The following KIF1B variants were observed in gnomAD, a reference collection of about 807,000 sequenced individuals.
KIF1B encodes the protein kinesin family member 1B, also known as kinesin-like protein KIF1B.
KIF1B carries 76 observed loss-of-function variants against 241.9 expected under a neutral mutation model. The ratio of observed to expected loss-of-function variants is 0.31; its 90% CI spans 0.26 to 0.38. The LOEUF (loss-of-function observed/expected upper bound fraction) is 0.38, where lower values mean the gene tolerates loss of function less well. Among genes scored for constraint, KIF1B ranks in the 10% least tolerant of loss-of-function variants. The pLI is 1.00. For missense variants in KIF1B, 1,622 were observed against 2,271.4 expected, an observed-to-expected ratio of 0.71 and a Z score of 5.81; for synonymous variants, 750 against 796.7, an observed-to-expected ratio of 0.94 and a Z score of 0.99.
At chr1:10,356,586 C>T (rs1638256274) in intron 38 of KIF1B, among the ~76,000 whole-genome samples, 1 of 148,052 alleles carries the variant, frequency 6.8e-6, no homozygotes, top group East Asian at 2.0e-4. Context: ...AGTAGCTATA[C>T]CTGCAGATGC....
At chr1:10,361,424 C>T (rs1266320060) in intron 39 of KIF1B, among the ~76,000 whole-genome samples, 1 of 152,212 alleles carries the variant, frequency 6.6e-6, no homozygotes, top group Non-Finnish European at 1.5e-5. Context: ...CACTTACTTC[C>T]TCTATGTCCT....
chr1:10,322,772 G>A (rs1019293080), intron 24 of KIF1B, among the ~76,000 whole-genome samples: 3 of 152,076 alleles, frequency 2.0e-5, no homozygotes, highest in Non-Finnish European at 4.4e-5. Context: ...AATAAAGGCA[G>A]TAACTGTCTT....
In KIF1B at chr1:10,296,674, G is replaced by A. The variant is rs1283855085; in HGVS notation, c.1861+9G>A. ...TGTTCAGCTGCGCTCAGGTGAGACT[G>A]GGAGAGGTTTGCCATCTTCAGCAAT... On this transcript the variant is annotated intron_variant, in intron 20 of 48. Coordinates refer to ENST00000676179, the MANE Select transcript of KIF1B (RefSeq NM_001365951.3). 6 of 1,612,668 alleles carry A rather than the reference G, an allele frequency of 3.7e-6. No individual in the cohort carries two copies. The African/African-American group carries it at 8.0e-5, about 22-fold the overall frequency.
chr1:10,289,236 G>A (rs546312739), intron 15 of KIF1B, among the ~76,000 whole-genome samples: 1 of 152,000 alleles, frequency 6.6e-6, no homozygotes, highest in Non-Finnish European at 1.5e-5. Flanking sequence ...GCCTCACTCA[G>A]CCTTGATTCA....
chr1:10,377,586 C>T lies in KIF1B; in HGVS notation c.*999C>T, dbSNP rs1489448292. 2 of 217,836 alleles carry T rather than the reference C, an allele frequency of 9.2e-6. No homozygotes were observed. Among genetic ancestry groups the T allele is most frequent in the Non-Finnish European group, 1.8e-5 (2 of 108,468 alleles). 13.5% of individuals were successfully genotyped at this position (217,836 alleles called of 1,614,324 possible). A position where few individuals can be genotyped will look rare whatever the true frequency, so the allele number is the denominator to read the frequency against. Reference sequence around the variant, plus strand: ...TGCCATGTCATACACAAATGTTCCACAAGGCGGGAGTGTTTCACTTTCTGG... The same window carrying T: ...TGCCATGTCATACACAAATGTTCCATAAGGCGGGAGTGTTTCACTTTCTGG... On this transcript the variant is annotated 3_prime_UTR_variant, in exon 49 of 49. Transcript: ENST00000676179.
chr1:10,278,402 C>G (rs185953456), intron 13 of KIF1B, among the ~76,000 whole-genome samples: 1 of 152,226 alleles, frequency 6.6e-6, no homozygotes, highest in African/African-American at 2.4e-5. Context: ...TGTTAGAATT[C>G]TGTTTTAGAT....
Position 10,303,945 on chromosome 1 carries a change from C to T in KIF1B, c.2115+6699C>T. 2 of 1,614,192 alleles carry T rather than the reference C, an allele frequency of 1.2e-6. No individual in the cohort carries two copies. The highest frequency in any genetic ancestry group is 1.7e-6 in the Non-Finnish European group (2 of 1,180,048). The stretch of plus-strand genomic sequence containing the variant: ...CAGCTTTTAGACGTGGACGTCTGCG[C>T]TGGATGAGGCAAGAGCAAATTCGGT... On this transcript the variant is annotated intron_variant, in intron 22 of 48. Coordinates refer to ENST00000676179, the MANE Select transcript of KIF1B (RefSeq NM_001365951.3). The surrounding 1 kb of genome is among the most constrained non-coding windows in gnomAD (Gnocchi z 5.2).
chr1:10,334,424 A>G, intron 27 of KIF1B, 96 bp from the exon 28 acceptor site: 1 of 962,374 alleles, frequency 1.0e-6, no homozygotes, highest in Non-Finnish European at 1.7e-6. Flanking sequence ...GCCAGAAGTC[A>G]GCTCACAGTT....
chr1:10,236,333 T>C (rs1647052168), intron 2 of KIF1B, among the ~76,000 whole-genome samples: 1 of 151,928 alleles, frequency 6.6e-6, no homozygotes, highest in Non-Finnish European at 1.5e-5. Flanking sequence ...TTGGGAAAAT[T>C]TTCAGAATTG....
intron 17 of KIF1B, chr1:10,292,448 G>T: frequency 3.2e-6 from 1 of 310,324 alleles, no homozygotes; most frequent in Non-Finnish European, 6.2e-6. Flanking sequence ...TTTCAGTTTT[G>T]GCTACTCTTT....
intron 41 of KIF1B, among the ~76,000 whole-genome samples, chr1:10,364,200 C>CTTTTTTTTCT (rs1449980463): frequency 3.5e-5 from 4 of 113,864 alleles, no homozygotes; most frequent in African/African-American, 1.4e-4. Context: ...GGGACAGGAT[C>CTTTTTTTTCT]TTTTTTTTTT....
intron 18 of KIF1B, among the ~76,000 whole-genome samples, chr1:10,295,373 AT>A (rs888871046): frequency 4.8e-4 from 73 of 151,608 alleles, no homozygotes; most frequent in African/African-American, 1.5e-3. Flanking sequence ...ACCCTAAATA[AT>A]TTTTTTTTCC....
At chr1:10,296,513 C>T in intron 19 of KIF1B, 69 bp from the exon 20 acceptor site, 1 of 1,289,858 alleles carries the variant, frequency 7.8e-7, no homozygotes, top group Admixed American at 1.8e-5. Flanking sequence ...TCCTGATAAG[C>T]AACTGCTTTC....
chr1:10,356,222 C>T (rs1638241270), intron 38 of KIF1B, among the ~76,000 whole-genome samples: 1 of 151,822 alleles, frequency 6.6e-6, no homozygotes, highest in South Asian at 2.1e-4. Context: ...AAAAATTAGC[C>T]TGGCATGATG....
At chr1:10,289,657 GC>G (rs1192897256) in intron 15 of KIF1B, among the ~76,000 whole-genome samples, 15 of 152,164 alleles carry the variant, frequency 9.9e-5, no homozygotes, top group African/African-American at 3.6e-4. Context: ...GCTGAAGCGG[GC>G]CGATCACCTG....
chr1:10,297,846 C>A (rs1650347162), intron 22 of KIF1B, among the ~76,000 whole-genome samples: 2 of 151,898 alleles, frequency 1.3e-5, no homozygotes, highest in South Asian at 4.2e-4. Context: ...AGGCTGCATA[C>A]CCAGCCCGGA....
chr1:10,306,001 A>G (rs1569782257), intron 22 of KIF1B: 2 of 1,051,272 alleles, frequency 1.9e-6, no homozygotes, highest in Non-Finnish European at 2.3e-6. Flanking sequence ...AGCAGTTAGC[A>G]TTCAAGGAAG....
chr1:10,214,502 CA>C (rs60073164), intron 1 of KIF1B, among the ~76,000 whole-genome samples: 20,680 of 150,728 alleles, frequency 0.14, 1,534 homozygotes, highest in African/African-American at 0.18. Context: ...GTTGGCCAGG[CA>C]GGTCTCGAAC....
intron 2 of KIF1B, among the ~76,000 whole-genome samples, chr1:10,246,676 G>A (rs769364833): frequency 1.9e-4 from 29 of 152,242 alleles, no homozygotes; most frequent in South Asian, 6.2e-4. Context: ...CCTGGGAGGC[G>A]AAGTTTGCAG....
Sources: allele counts gnomAD v4.1 joint callset (sites outside exome capture counted in the v4.1 genomes callset), GRCh38; gene constraint gnomAD v4.1.1; non-coding constraint Gnocchi (gnomAD v3.1); transcripts MANE v1.5; gene names NCBI Gene and HGNC (gene_info 2026-07-23, HGNC 2026-07-21).